The following ZNF248 variants were observed in gnomAD, a reference collection of about 807,000 sequenced individuals.
The protein encoded by ZNF248 is KRAB protein domain.
ZNF248 carries 20 observed loss-of-function variants against 44.3 expected under a neutral mutation model. That is an observed-to-expected ratio of 0.45 (90% CI 0.32 to 0.66). The LOEUF (loss-of-function observed/expected upper bound fraction) is 0.66. Ranked by LOEUF, ZNF248 falls within the 30% of genes least tolerant of loss-of-function variation. The probability of loss-of-function intolerance (pLI) is 0.04; values close to 1 mark genes in which losing one functional copy is unlikely to be tolerated. For missense variants in ZNF248, 654 were observed against 677.0 expected (o/e 0.97, Z 0.38); for synonymous variants, 224 against 229.0 (o/e 0.98, Z 0.20).
chr10:37,814,876 T>C (rs1389493737), intron 6 of ZNF248, among the ~76,000 whole-genome samples: 1 of 152,230 alleles, frequency 6.6e-6, no homozygotes, highest in African/African-American at 2.4e-5. Context: ...TGGGCCTCTT[T>C]GATTTTATCT....
At chr10:37,824,524 G>A (rs367726510), downstream of ZNF248, among the ~76,000 whole-genome samples, 2 of 151,974 alleles carry the variant, frequency 1.3e-5, no homozygotes, top group Admixed American at 6.6e-5. Context: ...AGATCACATG[G>A]TACGTGTAAA....
downstream of ZNF248, among the ~76,000 whole-genome samples, chr10:37,771,669 A>G (rs1182417258): frequency 2.6e-5 from 4 of 151,928 alleles, no homozygotes; most frequent in Admixed American, 1.3e-4. Context: ...GATATATCTA[A>G]TGCTAAATGA....
Position 37,832,637 on chromosome 10 carries a change from T to C in ZNF248, c.718A>G (p.Thr240Ala), listed in dbSNP as rs375783955. The C allele has an allele frequency of 1.5e-4, 249 of 1,613,278 alleles. No homozygotes were observed. The highest frequency in any genetic ancestry group is 2.1e-4 in the Non-Finnish European group (247 of 1,179,904). ...FTNKRSQIGE[T>A]VCKYNECGRT... is the part of the protein sequence containing the mutation. ...CCACATTCGTTATATTTACAGACTG[T>C]CTCTCCTATCTGAGATCTCTTATTT... Residue 240 changes from threonine (T) to alanine (A), a missense_variant, in exon 6 of 6, where the codon ACA (threonine) becomes GCA (alanine). Physicochemically the swap from Thr to Ala is moderately conservative, Grantham distance 58 (BLOSUM62 0). Transcript: ENST00000395867.
downstream of ZNF248, among the ~76,000 whole-genome samples, chr10:37,828,348 C>T (rs547078208): frequency 7.9e-5 from 12 of 152,270 alleles, no homozygotes; most frequent in South Asian, 1.0e-3. Flanking sequence ...TTCTTTATGG[C>T]GCTTATCATA....
At chr10:37,800,788 GTCTC>G (rs1193791676) in intron 6 of ZNF248, among the ~76,000 whole-genome samples, 7 of 150,136 alleles carry the variant, frequency 4.7e-5, no homozygotes, top group Admixed American at 4.0e-4. Context: ...TTGAGATGGA[GTCTC>G]TCTCTGTCAC....
chr10:37,792,784 G>A (rs1196668469), intron 6 of ZNF248, among the ~76,000 whole-genome samples: 1 of 152,122 alleles, frequency 6.6e-6, no homozygotes, highest in African/African-American at 2.4e-5. Context: ...CTTCGTAAGT[G>A]CCAGGGTCTT....
At chr10:37,838,171 T>G (rs1251467322) in intron 3 of ZNF248, 60 bp from the exon 4 acceptor site, 1 of 1,502,616 alleles carries the variant, frequency 6.7e-7, no homozygotes, top group East Asian at 2.3e-5. Flanking sequence ...AGAAAAGATT[T>G]AAGAGAACTA....
At chr10:37,820,011 T>C (rs2053200017) in intron 6 of ZNF248, 1 of 783,218 alleles carries the variant, frequency 1.3e-6, no homozygotes, top group East Asian at 2.4e-5. Context: ...CCATCTTCTC[T>C]TTTTGACTTT....
chr10:37,846,706 T>C (rs1462062561), intron 3 of ZNF248, among the ~76,000 whole-genome samples: 1 of 151,952 alleles, frequency 6.6e-6, no homozygotes, highest in African/African-American at 2.4e-5. Flanking sequence ...CTGATGGAAG[T>C]ACACAACACA....
intron 6 of ZNF248, among the ~76,000 whole-genome samples, chr10:37,815,665 A>G (rs1589379876): frequency 6.6e-6 from 1 of 151,758 alleles, no homozygotes; most frequent in South Asian, 2.1e-4. Context: ...TCAATTAGTC[A>G]TACTTTCTTG....
chr10:37,804,101 CTT>C (rs59261731), intron 6 of ZNF248, among the ~76,000 whole-genome samples: 1,548 of 124,948 alleles, frequency 0.012, 42 homozygotes, highest in African/African-American at 0.043. Context: ...TTTTCTTTTT[CTT>C]TTTTTTTTTT....
intron 6 of ZNF248, among the ~76,000 whole-genome samples, chr10:37,810,135 T>C (rs765836888): frequency 7.9e-5 from 12 of 152,194 alleles, no homozygotes; most frequent in Non-Finnish European, 1.5e-4. Context: ...GCCCTAAAAA[T>C]AACCTTAACC....
Position 37,832,816 on chromosome 10 carries a change from T to C in ZNF248, c.539A>G (p.His180Arg), listed in dbSNP as rs2056175108. ...VCEKLLLDIR[H>R]EKIPIGEKSY... is the part of the protein sequence containing the mutation. ...CTTCTCTCCAATAGGGATTTTCTCATGCCTAATATCAAGGAGCAATTTCTC... is the reference window on the plus strand; with the variant it reads ...CTTCTCTCCAATAGGGATTTTCTCACGCCTAATATCAAGGAGCAATTTCTC... Residue 180 changes from histidine to arginine, a missense_variant, in exon 6 of 6, where the codon CAT (histidine) becomes CGT (arginine). Physicochemically the swap from His to Arg is conservative, Grantham distance 29 (BLOSUM62 0). Transcript: ENST00000395867. The C allele has an allele frequency of 6.2e-6, 10 of 1,613,814 alleles. No homozygotes were observed. Among genetic ancestry groups the C allele is most frequent in the African/African-American group, 1.3e-5 (1 of 74,932 alleles).
At chr10:37,788,661 T>C (rs917122366) in intron 6 of ZNF248, among the ~76,000 whole-genome samples, 12 of 152,028 alleles carry the variant, frequency 7.9e-5, no homozygotes, top group African/African-American at 2.7e-4. Flanking sequence ...AAAGCAAACA[T>C]CATTAGTCAC....
chr10:37,775,583 CT>C (rs1295259783), downstream of ZNF248: 1 of 152,188 alleles, frequency 6.6e-6, no homozygotes, highest in Non-Finnish European at 1.5e-5. Flanking sequence ...ACATGTAAAT[CT>C]GACAAGATGT....
chr10:37,785,327 A>C (rs1225655291), intron 6 of ZNF248, among the ~76,000 whole-genome samples: 1 of 152,216 alleles, frequency 6.6e-6, no homozygotes, highest in African/African-American at 2.4e-5. Flanking sequence ...CAAACTGAGC[A>C]GCTGACTTAG....
chr10:37,852,761 A>C (rs1473738452), intron 3 of ZNF248, among the ~76,000 whole-genome samples: 1 of 150,922 alleles, frequency 6.6e-6, no homozygotes, highest in Non-Finnish European at 1.5e-5. Flanking sequence ...TAGAAACAGT[A>C]CACACATTTT....
At chr10:37,835,693 A>C (rs538495237) in intron 5 of ZNF248, among the ~76,000 whole-genome samples, 10 of 152,162 alleles carry the variant, frequency 6.6e-5, no homozygotes, top group Non-Finnish European at 1.2e-4. Context: ...GAAAAGAAAG[A>C]AGATGAGGAG....
chr10:37,809,876 T>C (rs1695983301), intron 6 of ZNF248, among the ~76,000 whole-genome samples: 1 of 152,226 alleles, frequency 6.6e-6, no homozygotes, highest in Admixed American at 6.5e-5. Context: ...TCTAACTTCA[T>C]ACTGTTGTGG....
Sources: allele counts gnomAD v4.1 joint callset (sites outside exome capture counted in the v4.1 genomes callset), GRCh38; gene constraint gnomAD v4.1.1; transcripts MANE v1.5; gene names NCBI Gene and HGNC (gene_info 2026-07-23, HGNC 2026-07-21).